The following SLIT3 variants were observed in gnomAD, a reference collection of about 807,000 sequenced individuals.
SLIT3 encodes the protein slit guidance ligand 3.
Under a neutral mutation model 184.0 loss-of-function variants are expected in SLIT3, and 68 were observed. That is an observed-to-expected ratio of 0.37 (90% CI 0.30 to 0.45). The LOEUF (loss-of-function observed/expected upper bound fraction) is 0.45. Ranked by LOEUF, SLIT3 falls within the 20% of genes least tolerant of loss-of-function variation. The pLI is 1.00. For missense variants in SLIT3, 1,707 were observed against 2,026.0 expected (o/e 0.84, Z 3.02); for synonymous variants, 831 against 828.6 (o/e 1.00, Z -0.05).
intron 4 of SLIT3, among the ~76,000 whole-genome samples, chr5:169,109,970 A>C (rs1760354759): frequency 6.6e-6 from 1 of 152,150 alleles, no homozygotes; most frequent in Non-Finnish European, 1.5e-5. Flanking sequence ...TTTCATCCTC[A>C]TGGAGCGTCT....
At chr5:169,297,712 T>C (rs1019688189) in intron 1 of SLIT3, among the ~76,000 whole-genome samples, 8 of 152,224 alleles carry the variant, frequency 5.3e-5, no homozygotes, top group Non-Finnish European at 1.2e-4. Context: ...TTTCCTTCTA[T>C]CTTTTGCTTA....
At position 168,684,066 on chromosome 5, in the gene SLIT3, G is replaced by A. The variant is rs1022802938; in HGVS notation, c.3586C>T (p.Leu1196Phe). ...AGGGGGTCATTGTCTCCTTTGTAGAGAAGGATGCCGTTGTCCTTGTCAGTG... is the reference window on the plus strand; with the variant it reads ...AGGGGGTCATTGTCTCCTTTGTAGAAAAGGATGCCGTTGTCCTTGTCAGTG... ...VATDKDNGIL[L>F]YKGDNDPLAL... The change falls in exon 32 of 36, where the codon CTC becomes TTC. Residue 1196 changes from leucine to phenylalanine, a missense_variant. This residue lies in a region of SLIT3 where 387 missense variants were observed against 477.9 expected (regional missense o/e 0.81). Coordinates refer to ENST00000519560, the MANE Select transcript of SLIT3 (RefSeq NM_003062.4). 7.5e-6 allele frequency: 12 copies of A among 1,606,850 alleles called. No homozygotes were observed. The highest frequency in any genetic ancestry group is 1.3e-5 in the African/African-American group (1 of 74,610).
intron 4 of SLIT3, among the ~76,000 whole-genome samples, chr5:168,982,336 G>A (rs1466282662): frequency 1.3e-5 from 2 of 152,118 alleles, no homozygotes; most frequent in African/African-American, 4.8e-5. Flanking sequence ...AGAGACTTGA[G>A]CTAGCACACT....
At chr5:169,162,160 G>T (rs1009733080) in intron 4 of SLIT3, among the ~76,000 whole-genome samples, 2 of 152,172 alleles carry the variant, frequency 1.3e-5, no homozygotes, top group African/African-American at 2.4e-5. Context: ...CCACAGAGAT[G>T]GGATTCGAAT....
Position 169,083,012 on chromosome 5 carries a change from T to C in SLIT3, c.413+110467A>G, listed in dbSNP as rs72826595. On this transcript the variant is annotated intron_variant, in intron 4 of 35. Coordinates refer to ENST00000519560, the MANE Select transcript of SLIT3 (RefSeq NM_003062.4). ...ATCACAGAATCTGAAACACTGATCT[T>C]TATTAAATCTCTACCATATGTAACA... is the stretch of plus-strand genomic sequence containing the variant. Among the ~76,000 whole-genome samples the C allele has an allele frequency of 9.8e-3, 1,476 of 151,368 alleles. 10 individuals carry two copies. Among genetic ancestry groups the C allele is most frequent in the Non-Finnish European group, 0.014 (981 of 68,018 alleles).
chr5:168,696,327 T>C lies in SLIT3; in HGVS notation c.3047A>G (p.Asn1016Ser), dbSNP rs927221642. Residue 1016 changes from asparagine to serine, a missense_variant, in exon 28 of 36, where the codon AAC becomes AGC. By Grantham distance (46) the Asn-to-Ser change is conservative (BLOSUM62 1). Transcript: ENST00000519560. ...ENNATCVDGI[N>S]NYVCICPPNY... is the part of the protein sequence containing the mutation. ...AGGCGGACAGATACACACGTAGTTG[T>C]TGATCCCGTCCACGCAGGTGGCATT... is the stretch of plus-strand genomic sequence containing the variant. 8 of 1,614,192 alleles carry C rather than the reference T, an allele frequency of 5.0e-6. No homozygotes were observed. The highest frequency in any genetic ancestry group is 1.6e-4 in the Middle Eastern group (1 of 6,062).
At chr5:168,793,250 C>G (rs367996572) in intron 10 of SLIT3, among the ~76,000 whole-genome samples, 1 of 149,108 alleles carries the variant, frequency 6.7e-6, no homozygotes, top group South Asian at 2.3e-4. Flanking sequence ...CCCCTTTTTT[C>G]TTTTCTTTTT....
intron 4 of SLIT3, among the ~76,000 whole-genome samples, chr5:168,981,518 C>T (rs1229570741): frequency 2.0e-5 from 3 of 152,178 alleles, no homozygotes; most frequent in African/African-American, 7.2e-5. Context: ...TAAAACAAAT[C>T]CTCACCAGAG....
chr5:168,734,232 C>T (rs1490439720), intron 20 of SLIT3, among the ~76,000 whole-genome samples: 3 of 152,214 alleles, frequency 2.0e-5, no homozygotes, highest in African/African-American at 7.2e-5. Context: ...AATACCTTCA[C>T]AGCAACATCT....
At chr5:169,156,879 G>A (rs1389942461) in intron 4 of SLIT3, among the ~76,000 whole-genome samples, 2 of 152,220 alleles carry the variant, frequency 1.3e-5, no homozygotes, top group African/African-American at 4.8e-5. Context: ...AGGCAGGCTG[G>A]CAAGGGACTT....
At chr5:168,784,726 C>T (rs1041316880) in intron 12 of SLIT3, among the ~76,000 whole-genome samples, 4 of 152,164 alleles carry the variant, frequency 2.6e-5, no homozygotes, top group Admixed American at 6.5e-5. Context: ...CTTCTTTGCT[C>T]TTGTGCCTGC....
chr5:168,788,841 C>T (rs1345568855), intron 11 of SLIT3, among the ~76,000 whole-genome samples: 2 of 152,138 alleles, frequency 1.3e-5, no homozygotes, highest in Admixed American at 6.5e-5. Context: ...TACTGTTTTA[C>T]TGTACACGTG....
Position 168,897,647 on chromosome 5 carries a change from T to TGCAC in SLIT3, c.414-14312_414-14311insGTGC, listed in dbSNP as rs3223457. On this transcript the variant is annotated intron_variant, in intron 4 of 35. Transcript: ENST00000519560. ...GAAAGAGGATGGAGACAGGTGCACGTACACACACACACACACACACACACA... is the reference window on the plus strand; with the variant it reads ...GAAAGAGGATGGAGACAGGTGCACGTGCACACACACACACACACACACACACACA... 5.3e-3 allele frequency among the ~76,000 whole-genome samples: 754 copies of TGCAC among 141,456 alleles called. 9 individuals carry two copies. Among genetic ancestry groups the TGCAC allele is most frequent in the African/African-American group, 0.017 (640 of 38,582 alleles). The allele number at this position is 141,456 out of a possible 152,430, so 92.8% of individuals were successfully genotyped here.
At chr5:169,004,835 G>A (rs531600541) in intron 4 of SLIT3, among the ~76,000 whole-genome samples, 2 of 152,288 alleles carry the variant, frequency 1.3e-5, no homozygotes, top group Admixed American at 1.3e-4. Context: ...CTAGAAGGCA[G>A]CTGCATGCCA....
At chr5:169,093,236 G>A (rs1167737557) in intron 4 of SLIT3, among the ~76,000 whole-genome samples, 1 of 152,064 alleles carries the variant, frequency 6.6e-6, no homozygotes, top group Non-Finnish European at 1.5e-5. Context: ...TCTTAGGTGG[G>A]TTCTAGTCAT....
chr5:168,935,511 T>C (rs1762132473), intron 4 of SLIT3, among the ~76,000 whole-genome samples: 1 of 152,214 alleles, frequency 6.6e-6, no homozygotes, highest in Non-Finnish European at 1.5e-5. Context: ...AGTGTGTTCA[T>C]TCATTCCGTT....
At chr5:168,778,394 T>C (rs1187623766) in intron 12 of SLIT3, among the ~76,000 whole-genome samples, 3 of 152,230 alleles carry the variant, frequency 2.0e-5, no homozygotes, top group Non-Finnish European at 4.4e-5. Flanking sequence ...CCATTTTCCC[T>C]ATGTGTGAGG....
intron 29 of SLIT3, among the ~76,000 whole-genome samples, chr5:168,692,372 T>C (rs994173858): frequency 2.0e-5 from 3 of 152,074 alleles, no homozygotes; most frequent in African/African-American, 7.2e-5. Flanking sequence ...CTCTGTCTCT[T>C]TCTCTCTCCC....
At chr5:168,918,568 C>T (rs183877498) in intron 4 of SLIT3, among the ~76,000 whole-genome samples, 23 of 152,300 alleles carry the variant, frequency 1.5e-4, no homozygotes, top group Non-Finnish European at 1.5e-5. Context: ...CTTCCTTGCA[C>T]TTGCCATTTA....
Sources: allele counts gnomAD v4.1 joint callset (sites outside exome capture counted in the v4.1 genomes callset), GRCh38; gene constraint gnomAD v4.1.1; regional missense constraint gnomAD v4.1.1; transcripts MANE v1.5; gene names NCBI Gene and HGNC (gene_info 2026-07-23, HGNC 2026-07-21).